Variants in ABHD15 observed in about 807,000 individuals in gnomAD.
ABHD15 encodes protein ABHD15.
ABHD15 carries 34 observed loss-of-function variants against 34.4 expected under a neutral mutation model. The ratio of observed to expected loss-of-function variants is 0.99; its 90% CI spans 0.75 to 1.32. ABHD15 has a LOEUF of 1.32. ABHD15 is among the 40% of genes most tolerant of loss of function. ABHD15 has a pLI of 0.00. For missense variants in ABHD15, 644 were observed against 650.4 expected (o/e 0.99, Z 0.11); for synonymous variants, 314 against 299.2 (o/e 1.05, Z -0.51).
chr17:29,561,636 G>T lies in ABHD15; in HGVS notation c.*925C>A, dbSNP rs115565555. The T allele has an allele frequency of 0.013, 2,041 of 152,614 alleles. 49 individuals carry two copies. Among genetic ancestry groups the T allele is most frequent in the African/African-American group, 0.046 (1,893 of 41,550 alleles). 9.5% of individuals were successfully genotyped at this position (152,614 alleles called of 1,614,324 possible). A position where few individuals can be genotyped will look rare whatever the true frequency, so the allele number is the denominator to read the frequency against. On this transcript the variant is annotated 3_prime_UTR_variant, in exon 2 of 2. Transcript: ENST00000307201. ...AGGCCAGTAGTAGGATCAGAAAAGG[G>T]AGCAACCAACCAGAAAACACCTAAG...
At chr17:29,565,017 G>GCTCACACCTGTAATCCTAGCA (rs2032679484) in intron 1 of ABHD15, among the ~76,000 whole-genome samples, 1 of 152,096 alleles carries the variant, frequency 6.6e-6, no homozygotes, top group Non-Finnish European at 1.5e-5. Flanking sequence ...CACTTTGAAA[G>GCTCACACCTGTAATCCTAGCA]CTGGGGCAGG....
rs1412328171 is a variant in ABHD15, at chr17:29,566,207, T to G, written c.760A>C (p.Ser254Arg). ...LSYLGECGSSSYVTGAACISP... is the reference protein window; with the variant it reads ...LSYLGECGSSRYVTGAACISP... ...ATGCAGGCGGCGCCTGTCACGTAGC[T>G]GGAGGAGCCGCACTCGCCCAGGTAG... is the stretch of plus-strand genomic sequence containing the variant. The change falls in exon 1 of 2, where the codon AGC (serine) becomes CGC (arginine). Residue 254 changes from serine (S) to arginine (R), a missense_variant. Coordinates refer to ENST00000307201, the MANE Select transcript of ABHD15 (RefSeq NM_198147.3). The G allele has an allele frequency of 2.0e-5, 33 of 1,610,272 alleles. No homozygotes were observed. Among genetic ancestry groups the G allele is most frequent in the Non-Finnish European group, 2.6e-5 (31 of 1,178,482 alleles).
At position 29,566,228 on chromosome 17, in the gene ABHD15, G is replaced by C; in HGVS notation, c.739C>G (p.Leu247Val). The C allele has an allele frequency of 1.2e-6, 2 of 1,611,108 alleles. No individual in the cohort carries two copies. The highest frequency in any genetic ancestry group is 1.7e-6 in the Non-Finnish European group (2 of 1,179,096). ...GSGSALLLSY[L>V]GECGSSSYVT... ...TAGCTGGAGGAGCCGCACTCGCCCA[G>C]GTAGGACAGGAGCAGCGCCGAGCCC... Residue 247 changes from leucine to valine, a missense_variant, in exon 1 of 2, where the codon CTG becomes GTG. By Grantham distance (32) the Leu-to-Val change is conservative (BLOSUM62 1). Transcript: ENST00000307201.
Position 29,562,431 on chromosome 17 carries a change from A to G in ABHD15, c.*130T>C. On this transcript the variant is annotated 3_prime_UTR_variant, in exon 2 of 2. Coordinates refer to ENST00000307201, the MANE Select transcript of ABHD15 (RefSeq NM_198147.3). ...CCTTCTCTTTCAAGGCACCAATTTA[A>G]GAGAGAGGGACTGAATGAGGAGCAC... is the stretch of plus-strand genomic sequence containing the variant. 1 of 1,062,212 alleles carries G rather than the reference A, an allele frequency of 9.4e-7. No individual in the cohort carries two copies. The highest frequency in any genetic ancestry group is 2.3e-5 in the Admixed American group (1 of 42,918). 65.8% of individuals were successfully genotyped at this position (1,062,212 alleles called of 1,614,324 possible). A position where few individuals can be genotyped will look rare whatever the true frequency, so the allele number is the denominator to read the frequency against.
Position 29,566,272 on chromosome 17 carries a change from A to G in ABHD15, c.695T>C (p.Phe232Ser). 6.2e-7 allele frequency: 1 copy of G among 1,610,972 alleles called. No homozygotes were observed. The highest frequency in any genetic ancestry group is 8.5e-7 in the Non-Finnish European group (1 of 1,178,992). The change falls in exon 1 of 2, where the codon TTC (phenylalanine) becomes TCC (serine). Residue 232 changes from phenylalanine to serine, a missense_variant. Phe to Ser is a radical substitution (Grantham distance 155, BLOSUM62 -2). Transcript: ENST00000307201. ...IRFRHPAAPL[F>S]AVSEGSGSAL... Reference sequence around the variant, plus strand: ...CGAGCCCGAGCCTTCGCTCACCGCGAACAGCGGCGCCGCCGGGTGTCGGAA... The same window carrying G: ...CGAGCCCGAGCCTTCGCTCACCGCGGACAGCGGCGCCGCCGGGTGTCGGAA...
In ABHD15 at chr17:29,566,938, A is replaced by G; in HGVS notation, c.29T>C (p.Leu10Pro). 1 of 1,430,140 alleles carries G rather than the reference A, an allele frequency of 7.0e-7. No individual in the cohort carries two copies. The highest frequency in any genetic ancestry group is 9.1e-7 in the Non-Finnish European group (1 of 1,100,012). 88.6% of individuals were successfully genotyped at this position (1,430,140 alleles called of 1,614,324 possible). Residue 10 changes from leucine to proline, a missense_variant, in exon 1 of 2, where the codon CTC becomes CCC. Transcript: ENST00000307201. ...GAGAAGGGCGAGCACGGCCAAGATG[A>G]GCGCGAGGGCGGCGCCCCACGGCGG... MPPWGAALA[L>P]ILAVLALLGL...
At chr17:29,564,359 G>A (rs540300330) in intron 1 of ABHD15, among the ~76,000 whole-genome samples, 82 of 152,328 alleles carry the variant, frequency 5.4e-4, no homozygotes, top group African/African-American at 1.9e-3. Context: ...TGTGCTGCCT[G>A]GCAGAGGAAG....
Position 29,566,879 on chromosome 17 carries a change from C to T in ABHD15, c.88G>A (p.Gly30Arg). 1 of 1,497,734 alleles carries T rather than the reference C, an allele frequency of 6.7e-7. No individual in the cohort carries two copies. The highest frequency in any genetic ancestry group is 8.8e-7 in the Non-Finnish European group (1 of 1,132,180). The allele number at this position is 1,497,734 out of a possible 1,614,324, so 92.8% of individuals were successfully genotyped here. The change falls in exon 1 of 2, where the codon GGG becomes AGG. Residue 30 changes from glycine to arginine, a missense_variant. Transcript: ENST00000307201. ...AGGGTCCTCTCTCCGACGGCGCGCCCCCAGGGTCCCCGGAGCCGCGGGCCG... is the reference window on the plus strand; with the variant it reads ...AGGGTCCTCTCTCCGACGGCGCGCCTCCAGGGTCCCCGGAGCCGCGGGCCG... ...LLGPRLRGPW[G>R]RAVGERTLPG... is the part of the protein sequence containing the mutation.
rs1438732363 is a variant in ABHD15, at chr17:29,566,817, C to T, written c.150G>A (p.Ala50=). The change falls in exon 1 of 2, where the codon GCG becomes GCA. Residue 50 remains alanine (A), a synonymous_variant. Transcript: ENST00000307201. The part of the protein sequence containing the change: ...GAQDRDDGEE[A]DGGGPADQFS... Reference sequence around the variant, plus strand: ...ACTGGTCCGCCGGGCCTCCGCCGTCCGCCTCCTCCCCGTCGTCTCGGTCTT... The same window carrying T: ...ACTGGTCCGCCGGGCCTCCGCCGTCTGCCTCCTCCCCGTCGTCTCGGTCTT... The T allele has an allele frequency of 4.6e-6, 7 of 1,515,368 alleles. No individual in the cohort carries two copies. Among genetic ancestry groups the T allele is most frequent in the Middle Eastern group, 2.0e-4 (1 of 5,084 alleles). 93.9% of individuals were successfully genotyped at this position (1,515,368 alleles called of 1,614,324 possible).
rs1356116568 is a variant in ABHD15, at chr17:29,566,405, G to GGTA, written c.559_561dup (p.Tyr187dup). On this transcript the variant is annotated inframe_insertion, in exon 1 of 2. Coordinates refer to ENST00000307201, the MANE Select transcript of ABHD15 (RefSeq NM_198147.3). ...TGGCCGCGGCGATGGAAGATGACCG[G>GGTA]GTAGTAGCCGCGCTCCAGGGCGAGC... 3 of 1,611,752 alleles carry GGTA rather than the reference G, an allele frequency of 1.9e-6. No individual in the cohort carries two copies. The highest frequency in any genetic ancestry group is 2.5e-6 in the Non-Finnish European group (3 of 1,179,374).
rs1412575869 is a variant in ABHD15 at position 29,566,689 on chromosome 17, A to G, written c.278T>C (p.Leu93Pro). Residue 93 changes from leucine (L) to proline (P), a missense_variant, in exon 1 of 2, where the codon CTG becomes CCG. Leu to Pro is a moderately conservative substitution (Grantham distance 98). Coordinates refer to ENST00000307201, the MANE Select transcript of ABHD15 (RefSeq NM_198147.3). ...GAACCAGGAGCGCGGGCCGGCCTCC[A>G]GCGCCTCTGAGCGCCGCAGGGCGCG... is the stretch of plus-strand genomic sequence containing the variant. ...LLRALRRSEA[L>P]EAGPRSWFSG... The G allele has an allele frequency of 6.3e-7, 1 of 1,587,510 alleles. No homozygotes were observed. Among genetic ancestry groups the G allele is most frequent in the East Asian group, 2.3e-5 (1 of 44,284 alleles).
rs776640032 is a variant in ABHD15, at chr17:29,562,761, A to C, written c.1207T>G (p.Trp403Gly). Residue 403 changes from tryptophan to glycine, a missense_variant, in exon 2 of 2, where the codon TGG (tryptophan) becomes GGG (glycine). Transcript: ENST00000307201. ...GFLRQEPLPA[W>G]SHEVILESFR... ...GACTCCAAGATGACCTCATGGCTCC[A>C]GGCTGGCAAGGGCTCCTGGCGCAGG... The C allele has an allele frequency of 1.2e-6, 2 of 1,613,992 alleles. No individual in the cohort carries two copies. Among genetic ancestry groups the C allele is most frequent in the Middle Eastern group, 1.7e-4 (1 of 6,058 alleles).
Position 29,562,123 on chromosome 17 carries a change from A to T in ABHD15, c.*438T>A, listed in dbSNP as rs1206367827. The T allele has an allele frequency of 6.5e-6, 1 of 154,994 alleles. No homozygotes were observed. Among genetic ancestry groups the T allele is most frequent in the Non-Finnish European group, 1.4e-5 (1 of 69,872 alleles). 9.6% of individuals were successfully genotyped at this position (154,994 alleles called of 1,614,324 possible). A position where few individuals can be genotyped will look rare whatever the true frequency, so the allele number is the denominator to read the frequency against. ...CAAATGAGGGAAGTGGGGCCGAGAC[A>T]CAAACATCCTGTCCTCATGACATCA... On this transcript the variant is annotated 3_prime_UTR_variant, in exon 2 of 2. Coordinates refer to ENST00000307201, the MANE Select transcript of ABHD15 (RefSeq NM_198147.3).
Position 29,562,379 on chromosome 17 carries a change from G to A in ABHD15, c.*182C>T. On this transcript the variant is annotated 3_prime_UTR_variant, in exon 2 of 2. Transcript: ENST00000307201. The stretch of plus-strand genomic sequence containing the variant: ...GCCAGGCAGGAGTTCTGCTGAGGAT[G>A]AAGTGAGTGCAGGCTCGCAGGACGT... The A allele has an allele frequency of 1.6e-6, 1 of 640,410 alleles. No homozygotes were observed. Among genetic ancestry groups the A allele is most frequent in the Admixed American group, 2.9e-5 (1 of 34,284 alleles). 39.7% of individuals were successfully genotyped at this position (640,410 alleles called of 1,614,324 possible).
At position 29,566,793 on chromosome 17, in the gene ABHD15, C is replaced by G. The variant is rs1326665497; in HGVS notation, c.174G>C (p.Gln58His). 2 of 1,514,704 alleles carry G rather than the reference C, an allele frequency of 1.3e-6. No individual in the cohort carries two copies. The highest frequency in any genetic ancestry group is 1.8e-6 in the Non-Finnish European group (2 of 1,138,936). The allele number at this position is 1,514,704 out of a possible 1,614,324, so 93.8% of individuals were successfully genotyped here. The change falls in exon 1 of 2, where the codon CAG becomes CAC. Residue 58 changes from glutamine to histidine, a missense_variant. By Grantham distance (24) the Gln-to-His change is conservative. Transcript: ENST00000307201. ...EEADGGGPAD[Q>H]FSDGREPLPG... ...GCAGTGGCTCGCGCCCGTCGCTGAA[C>G]TGGTCCGCCGGGCCTCCGCCGTCCG... is the stretch of plus-strand genomic sequence containing the variant.
At position 29,567,001 on chromosome 17, in the gene ABHD15, G is replaced by A; in HGVS notation, c.-35C>T. On this transcript the variant is annotated 5_prime_UTR_variant, in exon 1 of 2. Coordinates refer to ENST00000307201, the MANE Select transcript of ABHD15 (RefSeq NM_198147.3). The surrounding 1 kb of genome is among the most constrained non-coding windows in gnomAD (Gnocchi z 6.6). The stretch of plus-strand genomic sequence containing the variant: ...GGAGAGCCCCGGCGGGCAGCGGGCG[G>A]CGGGGCCGTCTACTCGGCGAGCTCC... 7.8e-7 allele frequency: 1 copy of A among 1,275,860 alleles called. No individual in the cohort carries two copies. The highest frequency in any genetic ancestry group is 9.8e-7 in the Non-Finnish European group (1 of 1,015,742). The allele number at this position is 1,275,860 out of a possible 1,614,324, so 79.0% of individuals were successfully genotyped here.
At position 29,566,162 on chromosome 17, in the gene ABHD15, G is replaced by A. The variant is rs1258580576; in HGVS notation, c.805C>T (p.Arg269Ter). The change falls in exon 1 of 2, where the codon CGA (arginine) becomes TGA (stop). Residue 269 changes from arginine (R) to a stop codon, truncating the protein, a stop_gained. Coordinates refer to ENST00000307201, the MANE Select transcript of ABHD15 (RefSeq NM_198147.3). LOFTEE classifies it high-confidence loss of function. Reference protein sequence around the residue: ...AACISPVLRCREWFEAGLPWP... With the variant: ...AACISPVLRC Reference sequence around the variant, plus strand: ...GGCAGGCCGGCCTCGAACCACTCTCGGCAGCGCAGCACGGGCGAGATGCAG... The same window carrying A: ...GGCAGGCCGGCCTCGAACCACTCTCAGCAGCGCAGCACGGGCGAGATGCAG... 1 of 1,604,098 alleles carries A rather than the reference G, an allele frequency of 6.2e-7. No homozygotes were observed. Among genetic ancestry groups the A allele is most frequent in the East Asian group, 2.2e-5 (1 of 44,582 alleles).
Position 29,563,095 on chromosome 17 carries a change from G to A in ABHD15, c.882-9C>T, listed in dbSNP as rs201245024. 223 of 1,593,166 alleles carry A rather than the reference G, an allele frequency of 1.4e-4. No individual in the cohort carries two copies. Among genetic ancestry groups the A allele is most frequent in the Middle Eastern group, 6.7e-4 (4 of 5,966 alleles). On this transcript the variant is annotated splice_polypyrimidine_tract_variant and intron_variant, in intron 1 of 1. Coordinates refer to ENST00000307201, the MANE Select transcript of ABHD15 (RefSeq NM_198147.3). ...CCAGGGCTGTGGCATACCTGGCAGC[G>A]AGGTGTTTAGTGGGGAAGGTGGGAA...
rs1355358905 is a variant in ABHD15, at chr17:29,560,726, C to T, written c.*1835G>A. ...CTGGAGTGCAGTGGTGCGATCTCAG[C>T]TCACTGCAAGCTCCGCCTCCCGGGT... On this transcript the variant is annotated 3_prime_UTR_variant, in exon 2 of 2. Transcript: ENST00000307201. 6.6e-6 allele frequency: 1 copy of T among 151,884 alleles called. No homozygotes were observed. The highest frequency in any genetic ancestry group is 1.5e-5 in the Non-Finnish European group (1 of 68,008). 9.4% of individuals were successfully genotyped at this position (151,884 alleles called of 1,614,324 possible). A position where few individuals can be genotyped will look rare whatever the true frequency, so the allele number is the denominator to read the frequency against.
Sources: gnomAD v4.1 joint callset for allele counts (sites outside exome capture counted in the v4.1 genomes callset) on GRCh38, gnomAD v4.1.1 for gene constraint, Gnocchi (gnomAD v3.1) non-coding constraint, MANE v1.5 for transcripts, NCBI Gene and HGNC (gene_info 2026-07-23, HGNC 2026-07-21) for gene names.